TMPRSS11A: variants seen among roughly 807,000 people sequenced by gnomAD.
TMPRSS11A encodes the protein transmembrane serine protease 11A.
TMPRSS11A carries 53 observed loss-of-function variants against 58.9 expected under a neutral mutation model. That is an observed-to-expected ratio of 0.90 (90% confidence interval 0.72 to 1.13). TMPRSS11A has a LOEUF of 1.13. TMPRSS11A is among the 50% of genes most tolerant of loss of function. The probability of loss-of-function intolerance (pLI) is 0.00; values close to 1 mark genes in which losing one functional copy is unlikely to be tolerated. For synonymous variants in TMPRSS11A, 167 were observed against 169.8 expected, an observed-to-expected ratio of 0.98 and a Z score of 0.13; for missense variants, 493 against 499.3, an observed-to-expected ratio of 0.99 and a Z score of 0.12.
rs201627653 is a variant in TMPRSS11A, at chr4:67,914,743, T to C, written c.953-13A>G. ...TTTTGGGATTCCCCTTAAGGAAAAA[T>C]AGAGTTATTCTAGTATTTACAATCA... On this transcript the variant is annotated splice_polypyrimidine_tract_variant and intron_variant, in intron 8 of 9. Coordinates refer to ENST00000508048, the MANE Select transcript of TMPRSS11A (RefSeq NM_001114387.2). 96 of 1,609,606 alleles carry C rather than the reference T, an allele frequency of 6.0e-5. No homozygotes were observed. Among genetic ancestry groups the C allele is most frequent in the Non-Finnish European group, 1.2e-5 (14 of 1,177,396 alleles).
intron 5 of TMPRSS11A, among the ~76,000 whole-genome samples, chr4:67,928,801 G>T (rs1236781040): frequency 6.6e-6 from 1 of 152,140 alleles, no homozygotes; most frequent in Admixed American, 6.5e-5. Flanking sequence ...CCCTTACAAG[G>T]GCAGAGTGTC....
intron 3 of TMPRSS11A, among the ~76,000 whole-genome samples, chr4:67,943,577 T>A (rs1470188357): frequency 1.3e-5 from 2 of 152,198 alleles, no homozygotes; most frequent in African/African-American, 2.4e-5. Context: ...TGCTCTTTTA[T>A]AAGATGCTCT....
At chr4:67,943,262 G>T (rs1443114195) in intron 3 of TMPRSS11A, among the ~76,000 whole-genome samples, 1 of 152,084 alleles carries the variant, frequency 6.6e-6, no homozygotes, top group Non-Finnish European at 1.5e-5. Flanking sequence ...AAGACCTATT[G>T]CATTCTTCTC....
intron 5 of TMPRSS11A, 83 bp from the exon 6 acceptor site, chr4:67,924,249 G>T: frequency 9.0e-7 from 1 of 1,108,544 alleles, no homozygotes; most frequent in Non-Finnish European, 1.4e-6. Context: ...AGAGGATACT[G>T]ACCATATATG....
rs771841852 is a variant in TMPRSS11A at position 67,932,002 on chromosome 4, A to G, written c.311T>C (p.Val104Ala). ...WKKNYIKNQVVRLTPEEDGVK... is the reference protein window; with the variant it reads ...WKKNYIKNQVARLTPEEDGVK... Reference sequence around the variant, plus strand: ...GCCCAAACATACATACGTCAGTCTGACTACTTGGTTCTTGATATAATTTTT... The same window carrying G: ...GCCCAAACATACATACGTCAGTCTGGCTACTTGGTTCTTGATATAATTTTT... The change falls in exon 4 of 10, where the codon GTC becomes GCC. Residue 104 changes from valine (V) to alanine (A), a missense_variant. By Grantham distance (64) the Val-to-Ala change is moderately conservative (BLOSUM62 0). Transcript: ENST00000508048. 6.3e-7 allele frequency: 1 copy of G among 1,599,536 alleles called. No individual in the cohort carries two copies. Among genetic ancestry groups the G allele is most frequent in the East Asian group, 2.2e-5 (1 of 44,796 alleles).
intron 7 of TMPRSS11A, among the ~76,000 whole-genome samples, chr4:67,920,557 T>TTTTA (rs1560564284): frequency 8.8e-5 from 12 of 137,082 alleles, no homozygotes; most frequent in East Asian, 2.5e-4. Flanking sequence ...ATATTTTTTT[T>TTTTA]TATATATACA....
intron 4 of TMPRSS11A, 134 bp from the exon 5 acceptor site, chr4:67,930,174 C>T (rs1403160724): frequency 3.0e-6 from 2 of 660,056 alleles, no homozygotes; most frequent in Non-Finnish European, 4.8e-6. Flanking sequence ...TCATGTCATT[C>T]TGACCCAAGG....
At chr4:67,920,549 A>ATATATATATATATATATATATAT (rs371252656) in intron 7 of TMPRSS11A, among the ~76,000 whole-genome samples, 7 of 130,900 alleles carry the variant, frequency 5.3e-5, no homozygotes, top group African/African-American at 1.2e-4. Context: ...ATATATATAT[A>ATATATATATATATATATATATAT]TTTTTTTTTA....
In TMPRSS11A at chr4:67,918,944, C is replaced by T. The variant is rs185289803; in HGVS notation, c.952+29G>A. 3.5e-3 allele frequency: 5,573 copies of T among 1,612,044 alleles called. 17 individuals carry two copies. The highest frequency in any genetic ancestry group is 9.9e-3 in the Middle Eastern group (60 of 6,058). The stretch of plus-strand genomic sequence containing the variant: ...TCACATTGCCTTAGACAGGGCTTAG[C>T]GCTCTGTTAGCTATCCTGAGATACC... On this transcript the variant is annotated intron_variant, in intron 8 of 9. Coordinates refer to ENST00000508048, the MANE Select transcript of TMPRSS11A (RefSeq NM_001114387.2).
At chr4:67,920,680 G>T (rs577515345) in intron 7 of TMPRSS11A, among the ~76,000 whole-genome samples, 2 of 151,610 alleles carry the variant, frequency 1.3e-5, no homozygotes, top group South Asian at 2.1e-4. Flanking sequence ...TGTTACACAG[G>T]TAAACTTGTG....
At position 67,929,910 on chromosome 4, in the gene TMPRSS11A, G is replaced by T. The variant is rs754064028; in HGVS notation, c.451C>A (p.Pro151Thr). Reference protein sequence around the residue: ...NQKIRNLRALPINASSVQVNA... With the variant: ...NQKIRNLRALTINASSVQVNA... ...ACTTGAACTGATGAGGCATTTATTG[G>T]CAAGGCTCTTAAATTCCTTATCTTC... Residue 151 changes from proline (P) to threonine (T), a missense_variant, in exon 5 of 10, where the codon CCA (proline) becomes ACA (threonine). Physicochemically the swap from Pro to Thr is conservative, Grantham distance 38 (BLOSUM62 -1). Transcript: ENST00000508048. 1.2e-5 allele frequency: 20 copies of T among 1,613,068 alleles called. No individual in the cohort carries two copies. In the Admixed American group the frequency reaches 2.5e-4, roughly 20 times the overall value.
At chr4:67,940,090 G>T (rs1274294074) in intron 3 of TMPRSS11A, among the ~76,000 whole-genome samples, 1 of 152,196 alleles carries the variant, frequency 6.6e-6, no homozygotes, top group Non-Finnish European at 1.5e-5. Context: ...AAGCCTACTT[G>T]ATTTTGGAAA....
rs1005147517 is a variant in TMPRSS11A, at chr4:67,910,196, A to C, written c.*1146T>G. 3 of 152,062 alleles carry C rather than the reference A, an allele frequency of 2.0e-5. No individual in the cohort carries two copies. The East Asian group carries it at 5.8e-4, about 29-fold the overall frequency. The allele number at this position is 152,062 out of a possible 1,614,324, so 9.4% of individuals were successfully genotyped here. A position where few individuals can be genotyped will look rare whatever the true frequency, so the allele number is the denominator to read the frequency against. On this transcript the variant is annotated 3_prime_UTR_variant, in exon 10 of 10. Transcript: ENST00000508048. ...GTATGTTTTCTCTTGTGGACCACAT[A>C]TAACAAAGTGGTCCAAAAGAGAAAA...
At chr4:67,933,654 C>A (rs185530123) in intron 3 of TMPRSS11A, among the ~76,000 whole-genome samples, 2 of 152,164 alleles carry the variant, frequency 1.3e-5, no homozygotes. Flanking sequence ...CTGCTAGAAA[C>A]AAAATTCTTT....
chr4:67,921,939 A>T (rs1720342399), intron 7 of TMPRSS11A, among the ~76,000 whole-genome samples: 1 of 152,244 alleles, frequency 6.6e-6, no homozygotes, highest in South Asian at 2.1e-4. Context: ...AAAATTCTAA[A>T]TGTAATAGTG....
Position 67,962,870 on chromosome 4 carries a change from C to G in TMPRSS11A, c.11+513G>C, listed in dbSNP as rs147955450. Among the ~76,000 whole-genome samples, 1,094 of 152,292 alleles carry G rather than the reference C, an allele frequency of 7.2e-3. 8 individuals carry two copies. Among genetic ancestry groups the G allele is most frequent in the Non-Finnish European group, 0.011 (740 of 68,028 alleles). On this transcript the variant is annotated intron_variant, in intron 1 of 9. Coordinates refer to ENST00000508048, the MANE Select transcript of TMPRSS11A (RefSeq NM_001114387.2). Reference sequence around the variant, plus strand: ...TTTCCCAGTATTGAGCTTGTTTTCTCATTCTCCCACATGGAAGCCCTGGGT... The same window carrying G: ...TTTCCCAGTATTGAGCTTGTTTTCTGATTCTCCCACATGGAAGCCCTGGGT...
At chr4:67,923,071 C>T (rs1218143626) in intron 6 of TMPRSS11A, 145 bp from the exon 7 acceptor site, 6 of 693,146 alleles carry the variant, frequency 8.7e-6, no homozygotes, top group African/African-American at 1.8e-5. Context: ...TTCATGGCCT[C>T]TTCTCTCTCA....
intron 1 of TMPRSS11A, among the ~76,000 whole-genome samples, chr4:67,948,569 C>T (rs1177029511): frequency 6.6e-6 from 1 of 152,120 alleles, no homozygotes; most frequent in Non-Finnish European, 1.5e-5. Context: ...ATCAAGAATC[C>T]TCATGGAATT....
intron 1 of TMPRSS11A, among the ~76,000 whole-genome samples, chr4:67,955,044 A>G (rs72851275): frequency 0.018 from 2,783 of 152,276 alleles, 85 homozygotes; most frequent in African/African-American, 0.063. Flanking sequence ...GTGAGGATAC[A>G]TTTTGTATGT....
Sources: gnomAD v4.1 joint callset for allele counts (sites outside exome capture counted in the v4.1 genomes callset) on GRCh38, gnomAD v4.1.1 for gene constraint, MANE v1.5 for transcripts, NCBI Gene and HGNC (gene_info 2026-07-23, HGNC 2026-07-21) for gene names.